The following UGT3A1 variants were observed in gnomAD, a reference collection of about 807,000 sequenced individuals.
UGT3A1 encodes UDP-glycosyltransferase 3A1.
A neutral mutation model predicts 37.6 loss-of-function variants in UGT3A1; 40 were observed. The ratio of observed to expected loss-of-function variants is 1.06; its 90% CI spans 0.83 to 1.38. UGT3A1 has a LOEUF of 1.38. Among genes scored for constraint, UGT3A1 ranks in the 40% most tolerant of loss-of-function variants. The pLI, the probability that UGT3A1 is intolerant of heterozygous loss-of-function variation, is 0.00. For synonymous variants in UGT3A1, 256 were observed against 232.3 expected, an observed-to-expected ratio of 1.10 and a Z score of -0.93; for missense variants, 642 against 634.2, an observed-to-expected ratio of 1.01 and a Z score of -0.13.
In UGT3A1 at chr5:35,962,580, G is replaced by C. The variant is rs1344765058; in HGVS notation, c.843+2806C>G. ...CTCTCCTGAAATGACAAAGCAGGAG[G>C]GCTGGATCAATCCTACACTGTCAGC... is the stretch of plus-strand genomic sequence containing the variant. On this transcript the variant is annotated intron_variant, in intron 4 of 6. Coordinates refer to ENST00000274278, the MANE Select transcript of UGT3A1 (RefSeq NM_152404.4). 1.5e-5 allele frequency: 4 copies of C among 262,584 alleles called. No homozygotes were observed. In the Admixed American group the frequency reaches 2.0e-4, roughly 13 times the overall value. The allele number at this position is 262,584 out of a possible 1,614,324, so 16.3% of individuals were successfully genotyped here.
intron 2 of UGT3A1, among the ~76,000 whole-genome samples, chr5:35,970,957 A>T (rs1366851733): frequency 6.6e-6 from 1 of 152,218 alleles, no homozygotes; most frequent in African/African-American, 2.4e-5. Context: ...TGCTTACTAC[A>T]TTTGAATACT....
chr5:35,989,959 C>T (rs552750409), intron 1 of UGT3A1, among the ~76,000 whole-genome samples: 12 of 152,106 alleles, frequency 7.9e-5, no homozygotes, highest in African/African-American at 2.2e-4. Flanking sequence ...TGGTGGCGGG[C>T]GCCTGTAGTC....
intron 2 of UGT3A1, among the ~76,000 whole-genome samples, chr5:35,971,636 C>T (rs897159995): frequency 4.6e-5 from 7 of 152,198 alleles, no homozygotes; most frequent in Admixed American, 4.6e-4. Context: ...ACTCAACCAA[C>T]CCTGAGAGGC....
rs117065371 is a variant in UGT3A1, at chr5:35,990,251, C to T, written c.94+896G>A. ...AGAAAGGCATCTCACTTCCCTGTCC[C>T]TCAGTTGCCCTCTCAGAATATCAAA... On this transcript the variant is annotated intron_variant, in intron 1 of 6. Transcript: ENST00000274278. 4.5e-4 allele frequency among the ~76,000 whole-genome samples: 69 copies of T among 152,222 alleles called. No homozygotes were observed. The East Asian group carries it at 0.013, about 29-fold the overall frequency.
Position 35,985,079 on chromosome 5 carries a change from T to A in UGT3A1, c.196+3371A>T, listed in dbSNP as rs373421930. ...CTTACCGGAAAATAAACATAAAATATAAAAAAAAAAAAAAAAGAAATTCCA... is the reference window on the plus strand; with the variant it reads ...CTTACCGGAAAATAAACATAAAATAAAAAAAAAAAAAAAAAAGAAATTCCA... On this transcript the variant is annotated intron_variant, in intron 2 of 6. Transcript: ENST00000274278. Among the ~76,000 whole-genome samples, 564 of 115,854 alleles carry A rather than the reference T, an allele frequency of 4.9e-3. 1 individual carries two copies. Among genetic ancestry groups the A allele is most frequent in the Middle Eastern group, 6.5e-3 (1 of 154 alleles). 76.0% of individuals were successfully genotyped at this position (115,854 alleles called of 152,430 possible). A position where few individuals can be genotyped will look rare whatever the true frequency, so the allele number is the denominator to read the frequency against.
intron 5 of UGT3A1, 129 bp from the exon 6 acceptor site, chr5:35,955,993 G>C (rs1739342541): frequency 1.1e-6 from 1 of 947,484 alleles, no homozygotes; most frequent in Non-Finnish European, 1.6e-6. Context: ...CACTGATTTT[G>C]CTTGGGACAC....
At chr5:35,991,447 TG>T (rs1740949883), upstream of UGT3A1, 1 of 1,410,094 alleles carries the variant, frequency 7.1e-7, no homozygotes, top group Non-Finnish European at 9.2e-7. Flanking sequence ...TGGGATAATC[TG>T]CCCTCACCCT....
At chr5:35,988,393 A>G in intron 2 of UGT3A1, 57 bp downstream of exon 2, 2 of 1,288,772 alleles carry the variant, frequency 1.6e-6, no homozygotes, top group Non-Finnish European at 2.1e-6. Flanking sequence ...TAAAAAATAT[A>G]TTATCACTTT....
chr5:35,966,020 T>A lies in UGT3A1; in HGVS notation c.312-103A>T, dbSNP rs138983053. ...AAATATTTCAGGTATGTTAAGAATA[T>A]AACCAGTATCCATCAACCCATTCTA... On this transcript the variant is annotated intron_variant, in intron 3 of 6. Coordinates refer to ENST00000274278, the MANE Select transcript of UGT3A1 (RefSeq NM_152404.4). 736 of 901,112 alleles carry A rather than the reference T, an allele frequency of 8.2e-4. 6 individuals carry two copies. In the African/African-American group the frequency reaches 0.011, roughly 13 times the overall value. The allele number at this position is 901,112 out of a possible 1,614,324, so 55.8% of individuals were successfully genotyped here. A position where few individuals can be genotyped will look rare whatever the true frequency, so the allele number is the denominator to read the frequency against.
At chr5:35,989,258 G>A (rs959657351) in intron 1 of UGT3A1, among the ~76,000 whole-genome samples, 4 of 152,204 alleles carry the variant, frequency 2.6e-5, no homozygotes, top group Non-Finnish European at 2.9e-5. Flanking sequence ...AAGAATCACT[G>A]ATTCTAGGAA....
intron 4 of UGT3A1, chr5:35,962,806 G>A (rs1330221532): frequency 1.5e-6 from 1 of 680,694 alleles, no homozygotes; most frequent in Admixed American, 2.2e-5. Flanking sequence ...CAGATTCTGA[G>A]GGTCAAAGCA....
rs1025445589 is a variant in UGT3A1 at position 35,965,842 on chromosome 5, A to G, written c.387T>C (p.Asp129=). 6.2e-6 allele frequency: 10 copies of G among 1,613,120 alleles called. No homozygotes were observed. Among genetic ancestry groups the G allele is most frequent in the Non-Finnish European group, 7.6e-6 (9 of 1,179,702 alleles). Residue 129 remains aspartate (D), a synonymous_variant, in exon 4 of 7, where the codon GAT becomes GAC. Transcript: ENST00000274278. ...TQCSYLLSRK[D]IMDSLKNENY... ...TCTCATTCTTTAAGGAATCCATTAT[A>G]TCCTTTCTGCTTAGCAAATAACTAC...
chr5:35,983,633 G>A (rs1266530070), intron 2 of UGT3A1, among the ~76,000 whole-genome samples: 1 of 152,034 alleles, frequency 6.6e-6, no homozygotes, highest in East Asian at 1.9e-4. Context: ...GATGAAGATA[G>A]ATGCAAAAAT....
At position 35,991,145 on chromosome 5, in the gene UGT3A1, A is replaced by G; in HGVS notation, c.94+2T>C. On this transcript the variant is annotated splice_donor_variant, in intron 1 of 6. Coordinates refer to ENST00000274278, the MANE Select transcript of UGT3A1 (RefSeq NM_152404.4). LOFTEE classifies it high-confidence loss of function. ...CTGGGAATTCTCCGGCCAAGCACTC[A>G]CCCAGTGTAGATATTGTCAGGATTT... The G allele has an allele frequency of 1.2e-6, 2 of 1,614,126 alleles. No homozygotes were observed. Among genetic ancestry groups the G allele is most frequent in the Non-Finnish European group, 1.7e-6 (2 of 1,180,018 alleles).
chr5:35,998,462 C>G (rs1382075229), intron 1 of UGT3A1, among the ~76,000 whole-genome samples: 1 of 152,222 alleles, frequency 6.6e-6, no homozygotes, highest in East Asian at 1.9e-4. Context: ...TACTCAAGAT[C>G]TGTCAGCTGG....
chr5:35,958,169 G>T (rs980316493), intron 4 of UGT3A1, among the ~76,000 whole-genome samples: 1 of 151,968 alleles, frequency 6.6e-6, no homozygotes, highest in Admixed American at 6.6e-5. Context: ...ATTTTATATT[G>T]TGTAATGCCT....
intron 2 of UGT3A1, among the ~76,000 whole-genome samples, chr5:35,969,046 C>T (rs1021448066): frequency 1.3e-5 from 2 of 152,196 alleles, no homozygotes; most frequent in Non-Finnish European, 2.9e-5. Context: ...TGGAATAACT[C>T]TTACCCTATG....
chr5:35,967,557 A>C (rs551475672), intron 3 of UGT3A1, among the ~76,000 whole-genome samples: 51 of 152,334 alleles, frequency 3.3e-4, no homozygotes, highest in African/African-American at 1.2e-3. Flanking sequence ...AGTTTTCTCC[A>C]TTAGTGAATT....
intron 4 of UGT3A1, among the ~76,000 whole-genome samples, chr5:35,963,864 G>T (rs1739688796): frequency 6.6e-6 from 1 of 152,222 alleles, no homozygotes; most frequent in African/African-American, 2.4e-5. Context: ...GCCTGTAGTT[G>T]TCGGAATGGG....
Sources: allele counts gnomAD v4.1 joint callset (sites outside exome capture counted in the v4.1 genomes callset), GRCh38; gene constraint gnomAD v4.1.1; transcripts MANE v1.5; gene names NCBI Gene and HGNC (gene_info 2026-07-23, HGNC 2026-07-21).